CCNK: variants seen among roughly 807,000 people sequenced by gnomAD.
The protein encoded by CCNK is cyclin K, also known as cyclin-K.
Under a neutral mutation model 65.0 loss-of-function variants are expected in CCNK, and 9 were observed. The observed-to-expected ratio is 0.14, with a 90% CI of 0.08 to 0.24. The LOEUF (loss-of-function observed/expected upper bound fraction) is 0.24, where lower values mean the gene tolerates loss of function less well. Ranked by LOEUF, CCNK falls within the 10% of genes least tolerant of loss-of-function variation. The probability of loss-of-function intolerance (pLI) is 1.00; values close to 1 mark genes in which losing one functional copy is unlikely to be tolerated. For synonymous variants in CCNK, 279 were observed against 270.8 expected (o/e 1.03, Z -0.30); for missense variants, 474 against 720.0 (o/e 0.66, Z 3.91).
At chr14:99,509,903 G>GTA in intron 10 of CCNK, 1 of 561,036 alleles carries the variant, frequency 1.8e-6, no homozygotes. Context: ...GAGACTGCCT[G>GTA]TAGGTGGTGT....
At chr14:99,485,352 C>G (rs2139847447) in intron 1 of CCNK, among the ~76,000 whole-genome samples, 1 of 152,260 alleles carries the variant, frequency 6.6e-6, no homozygotes, top group East Asian at 1.9e-4. Context: ...CAACAGATAT[C>G]TTGGCATTAT....
chr14:99,486,583 A>G (rs1896490955), intron 1 of CCNK, among the ~76,000 whole-genome samples: 1 of 152,318 alleles, frequency 6.6e-6, no homozygotes, highest in East Asian at 1.9e-4. Context: ...CAAGCTTAGT[A>G]TTTATAGAGC....
In CCNK at chr14:99,493,534, C is replaced by G. The variant is rs1249577631; in HGVS notation, c.218C>G (p.Thr73Ser). Residue 73 changes from threonine to serine, a missense_variant, in exon 3 of 11, where the codon ACT (threonine) becomes AGT (serine). Around this residue, in one of 6 missense-constraint regions of CCNK, gnomAD observed 87 missense variants for 166.2 expected, o/e 0.52. Coordinates refer to ENST00000389879, the MANE Select transcript of CCNK (RefSeq NM_001099402.2). ...AACAGACACTATGATACCCTGGCAA[C>G]TGGAATAATTTATTTTCATCGCTTC... The part of the protein sequence containing the change: ...RLGLHYDTLA[T>S]GIIYFHRFYM... 6.2e-7 allele frequency: 1 copy of G among 1,612,476 alleles called. No homozygotes were observed. The highest frequency in any genetic ancestry group is 8.5e-7 in the Non-Finnish European group (1 of 1,178,974).
At chr14:99,483,848 T>G (rs1653360797) in intron 1 of CCNK, among the ~76,000 whole-genome samples, 1 of 152,252 alleles carries the variant, frequency 6.6e-6, no homozygotes, top group South Asian at 2.1e-4. Context: ...TTACTCGGAT[T>G]AACACTTTCT....
chr14:99,499,084 G>T (rs1896762995), intron 4 of CCNK, among the ~76,000 whole-genome samples: 3 of 152,198 alleles, frequency 2.0e-5, no homozygotes, highest in Admixed American at 2.0e-4. Context: ...TTGTTACTCA[G>T]GCTGGAGTGC....
At chr14:99,489,556 TAAAC>T (rs1471340775) in intron 1 of CCNK, among the ~76,000 whole-genome samples, 2 of 152,184 alleles carry the variant, frequency 1.3e-5, no homozygotes, top group Non-Finnish European at 2.9e-5. Flanking sequence ...AGTAAATAAA[TAAAC>T]AAATAAATAA....
chr14:99,501,648 C>A, intron 6 of CCNK: 1 of 518,988 alleles, frequency 1.9e-6, no homozygotes, highest in South Asian at 2.9e-5. Context: ...TATCACCAGT[C>A]TGAAACATAA....
chr14:99,502,135 C>T, intron 6 of CCNK, 72 bp from the exon 7 acceptor site: 1 of 1,431,730 alleles, frequency 7.0e-7, no homozygotes, highest in Non-Finnish European at 9.3e-7. Flanking sequence ...TTAGTTATGG[C>T]ATCTCCATGC....
chr14:99,509,187 G>A (rs764559787), intron 10 of CCNK: 1 of 152,260 alleles, frequency 6.6e-6, no homozygotes, highest in African/African-American at 2.4e-5. Context: ...AAGCATCTTC[G>A]TGGCTTTGTC....
Position 99,501,399 on chromosome 14 carries a change from A to G in CCNK, c.561A>G (p.Thr187=). ...KIQKLVQMAW[T]FVNDSLCTTL... ...AAAAGTTGGTTCAAATGGCATGGAC[A>G]TTTGTAAATGACAGGTATACATGTT... is the stretch of plus-strand genomic sequence containing the variant. Residue 187 remains threonine, a synonymous_variant, in exon 6 of 11, where the codon ACA becomes ACG. Transcript: ENST00000389879. The G allele has an allele frequency of 6.2e-7, 1 of 1,603,638 alleles. No homozygotes were observed. Among genetic ancestry groups the G allele is most frequent in the Non-Finnish European group, 8.5e-7 (1 of 1,172,090 alleles).
chr14:99,504,253 T>G (rs1896916158), intron 9 of CCNK: 1 of 174,112 alleles, frequency 5.7e-6, no homozygotes, highest in Admixed American at 6.3e-5. Flanking sequence ...CTGAACTCTT[T>G]GAAGGCACAG....
intron 4 of CCNK, 50 bp from the exon 5 acceptor site, chr14:99,500,716 T>G: frequency 1.4e-5 from 17 of 1,185,004 alleles, no homozygotes; most frequent in Middle Eastern, 1.9e-4. Flanking sequence ...TAATGCTGCT[T>G]GAGACCTGCA....
At chr14:99,507,294 G>T in intron 10 of CCNK, 147 bp downstream of exon 10, 2 of 693,944 alleles carry the variant, frequency 2.9e-6, no homozygotes, top group Non-Finnish European at 5.2e-6. Flanking sequence ...AATTGTTCTT[G>T]GGCTGGGCAC....
chr14:99,482,519 T>A (rs1465117096), intron 1 of CCNK, among the ~76,000 whole-genome samples: 1 of 152,236 alleles, frequency 6.6e-6, no homozygotes, highest in Admixed American at 6.5e-5. Context: ...TGTTAAATAA[T>A]CTTGACTATG....
intron 4 of CCNK, among the ~76,000 whole-genome samples, chr14:99,496,981 G>A (rs2139863526): frequency 6.8e-6 from 1 of 146,938 alleles, no homozygotes; most frequent in South Asian, 2.2e-4. Context: ...TGAGTGGAAA[G>A]TACAGAGATT....
In CCNK at chr14:99,507,375, G is replaced by C. The variant is rs531351860; in HGVS notation, c.1117+228G>C. On this transcript the variant is annotated intron_variant, in intron 10 of 10. Transcript: ENST00000389879. The stretch of plus-strand genomic sequence containing the variant: ...GAGAATCACCTGACCCCAGGAGTTC[G>C]AGGTCAGCCTGGGCAACAAAGTGAG... The C allele has an allele frequency of 1.3e-3, 681 of 529,518 alleles. 1 individual carries two copies. The highest frequency in any genetic ancestry group is 1.9e-3 in the Non-Finnish European group (548 of 291,802). 32.8% of individuals were successfully genotyped at this position (529,518 alleles called of 1,614,324 possible). A position where few individuals can be genotyped will look rare whatever the true frequency, so the allele number is the denominator to read the frequency against.
chr14:99,501,603 C>T (rs1194526385), intron 6 of CCNK, 190 bp downstream of exon 6: 1 of 574,524 alleles, frequency 1.7e-6, no homozygotes, highest in Non-Finnish European at 3.1e-6. Flanking sequence ...TCCTTCTGCC[C>T]TGCCGTGTCA....
chr14:99,510,751 G>T lies in CCNK; in HGVS notation c.1712G>T (p.Gly571Val), dbSNP rs368703834. ...PIPPPGMPPV[G>V]GLGRAAWMR ...CCCCCACCCGGCATGCCTCCAGTTG[G>T]GGGGCTGGGGCGGGCAGCCTGGATG... The change falls in exon 11 of 11, where the codon GGG (glycine) becomes GTG (valine). Residue 571 changes from glycine to valine, a missense_variant. Physicochemically the swap from Gly to Val is moderately radical, Grantham distance 109 (BLOSUM62 -3). Around this residue, in one of 6 missense-constraint regions of CCNK, gnomAD observed 53 missense variants for 91.4 expected, o/e 0.58. Coordinates refer to ENST00000389879, the MANE Select transcript of CCNK (RefSeq NM_001099402.2). 4 of 1,456,694 alleles carry T rather than the reference G, an allele frequency of 2.7e-6. No homozygotes were observed. The highest frequency in any genetic ancestry group is 3.6e-6 in the Non-Finnish European group (4 of 1,105,620). 90.2% of individuals were successfully genotyped at this position (1,456,694 alleles called of 1,614,324 possible).
chr14:99,500,002 T>G (rs1490713244), intron 4 of CCNK, among the ~76,000 whole-genome samples: 1 of 152,186 alleles, frequency 6.6e-6, no homozygotes, highest in Non-Finnish European at 1.5e-5. Context: ...AGAAACTGTT[T>G]GAAAAAGAGA....
Sources: gnomAD v4.1 joint callset for allele counts (sites outside exome capture counted in the v4.1 genomes callset) on GRCh38, gnomAD v4.1.1 for gene constraint, gnomAD v4.1.1 regional missense constraint, MANE v1.5 for transcripts, NCBI Gene and HGNC (gene_info 2026-07-23, HGNC 2026-07-21) for gene names.